Variants in LRFN2 observed in about 807,000 individuals in gnomAD.
LRFN2 encodes leucine-rich repeat and fibronectin type-III domain-containing protein 2.
A neutral mutation model predicts 37.3 loss-of-function variants in LRFN2; 18 were observed. That is an observed-to-expected ratio of 0.48 (90% CI 0.33 to 0.72). The LOEUF (loss-of-function observed/expected upper bound fraction) is 0.72, where lower values mean the gene tolerates loss of function less well. Ranked by LOEUF, LRFN2 falls within the 30% of genes least tolerant of loss-of-function variation. The pLI, the probability that LRFN2 is intolerant of heterozygous loss-of-function variation, is 0.02. For missense variants in LRFN2, 1,006 were observed against 1,060.7 expected, an observed-to-expected ratio of 0.95 and a Z score of 0.72; for synonymous variants, 556 against 466.6, an observed-to-expected ratio of 1.19 and a Z score of -2.47.
At position 40,510,602 on chromosome 6, in the gene LRFN2, G is replaced by A. The variant is rs150532823; in HGVS notation, c.-19+76339C>T. Reference sequence around the variant, plus strand: ...GTGCTGAGGCACAGTGAGGAGTGGGGTGATAAGAGCTGTGCCCCAGGGAGT... The same window carrying A: ...GTGCTGAGGCACAGTGAGGAGTGGGATGATAAGAGCTGTGCCCCAGGGAGT... On this transcript the variant is annotated intron_variant, in intron 1 of 2. Transcript: ENST00000338305. 3.0e-3 allele frequency among the ~76,000 whole-genome samples: 452 copies of A among 152,378 alleles called. 8 individuals are homozygous for A. Among genetic ancestry groups the A allele is most frequent in the African/African-American group, 9.9e-3 (413 of 41,590 alleles).
At chr6:40,408,363 C>G (rs1451924553) in intron 2 of LRFN2, among the ~76,000 whole-genome samples, 1 of 152,122 alleles carries the variant, frequency 6.6e-6, no homozygotes, top group Non-Finnish European at 1.5e-5. Context: ...GGCAGTCACC[C>G]TCGGCAGGGG....
At chr6:40,426,720 C>A (rs561460639) in intron 2 of LRFN2, among the ~76,000 whole-genome samples, 2 of 152,156 alleles carry the variant, frequency 1.3e-5, no homozygotes, top group Non-Finnish European at 2.9e-5. Context: ...GCCATGAGTT[C>A]TTTTCTAAGT....
At chr6:40,504,966 C>T (rs1765493802) in intron 1 of LRFN2, among the ~76,000 whole-genome samples, 1 of 152,216 alleles carries the variant, frequency 6.6e-6, no homozygotes, top group African/African-American at 2.4e-5. Context: ...ACCCCTCACT[C>T]TGTCAAAGCA....
At chr6:40,417,323 C>T (rs886304568) in intron 2 of LRFN2, among the ~76,000 whole-genome samples, 1 of 152,164 alleles carries the variant, frequency 6.6e-6, no homozygotes, top group African/African-American at 2.4e-5. Context: ...AGTGCCTCGG[C>T]AGCCTCCCGA....
chr6:40,402,926 A>G (rs1044050817), intron 2 of LRFN2, among the ~76,000 whole-genome samples: 2 of 152,176 alleles, frequency 1.3e-5, no homozygotes, highest in Non-Finnish European at 2.9e-5. Flanking sequence ...CCATGGGCAG[A>G]GTTTCCAGGC....
chr6:40,414,733 G>T (rs980793769), intron 2 of LRFN2, among the ~76,000 whole-genome samples: 3 of 152,230 alleles, frequency 2.0e-5, no homozygotes, highest in African/African-American at 7.2e-5. Flanking sequence ...TGAGTGAGAA[G>T]CTTGGCCCCC....
intron 1 of LRFN2, among the ~76,000 whole-genome samples, chr6:40,477,613 G>A (rs1764737544): frequency 1.3e-5 from 2 of 152,186 alleles, no homozygotes; most frequent in Non-Finnish European, 2.9e-5. Context: ...TGCTTTCCCA[G>A]CAGGCGCTGC....
chr6:40,451,828 C>A (rs1024704368), intron 1 of LRFN2, among the ~76,000 whole-genome samples: 2 of 152,148 alleles, frequency 1.3e-5, no homozygotes, highest in Non-Finnish European at 2.9e-5. Context: ...AAAACAAATG[C>A]CTTGTTTGGA....
At chr6:40,400,882 G>T (rs1442903609) in intron 2 of LRFN2, among the ~76,000 whole-genome samples, 1 of 151,674 alleles carries the variant, frequency 6.6e-6, no homozygotes, top group African/African-American at 2.4e-5. Context: ...TGAATGTGTG[G>T]GTATTTGTGA....
rs66745321 is a variant in LRFN2 at position 40,463,670 on chromosome 6, A to ATTTTTT, written c.-18-30545_-18-30540dup. 5.7e-4 allele frequency among the ~76,000 whole-genome samples: 44 copies of ATTTTTT among 76,528 alleles called. 1 individual carries two copies. The highest frequency in any genetic ancestry group is 5.5e-3 in the South Asian group (10 of 1,818). The allele number at this position is 76,528 out of a possible 152,430, so 50.2% of individuals were successfully genotyped here. On this transcript the variant is annotated intron_variant, in intron 1 of 2. Coordinates refer to ENST00000338305, the MANE Select transcript of LRFN2 (RefSeq NM_020737.3). Reference sequence around the variant, plus strand: ...TACATCATACTATTTCTTTCTTTCTATTTTTTTTTTTTTTTTTTTTTTTTG... The same window carrying ATTTTTT: ...TACATCATACTATTTCTTTCTTTCTATTTTTTTTTTTTTTTTTTTTTTTTTTTTTTG...
chr6:40,435,936 C>T (rs1302750252), intron 1 of LRFN2, among the ~76,000 whole-genome samples: 1 of 152,030 alleles, frequency 6.6e-6, no homozygotes, highest in Non-Finnish European at 1.5e-5. Context: ...CTTCAAGGGC[C>T]AGAGGCTTGC....
At position 40,403,482 on chromosome 6, in the gene LRFN2, A is replaced by G. The variant is rs185330243; in HGVS notation, c.1401-10570T>C. On this transcript the variant is annotated intron_variant, in intron 2 of 2. Coordinates refer to ENST00000338305, the MANE Select transcript of LRFN2 (RefSeq NM_020737.3). ...TTCTTCTGCCCTTGTGGCTCCTGAGAATATGGAGCTTCCACAAATGCCCTG... is the reference window on the plus strand; with the variant it reads ...TTCTTCTGCCCTTGTGGCTCCTGAGGATATGGAGCTTCCACAAATGCCCTG... Among the ~76,000 whole-genome samples the G allele has an allele frequency of 1.5e-3, 226 of 152,260 alleles. 3 individuals are homozygous for G. The highest frequency in any genetic ancestry group is 2.0e-3 in the Non-Finnish European group (133 of 68,022).
chr6:40,484,664 G>A lies in LRFN2; in HGVS notation c.-18-51533C>T, dbSNP rs191306780. On this transcript the variant is annotated intron_variant, in intron 1 of 2. Transcript: ENST00000338305. Reference sequence around the variant, plus strand: ...CCTGGGATCTATTCCTCAGGAACTAGATATCAGACCATTGTTCTCAGCTGC... The same window carrying A: ...CCTGGGATCTATTCCTCAGGAACTAAATATCAGACCATTGTTCTCAGCTGC... Among the ~76,000 whole-genome samples, 256 of 152,312 alleles carry A rather than the reference G, an allele frequency of 1.7e-3. 1 individual carries two copies. Among genetic ancestry groups the A allele is most frequent in the African/African-American group, 5.8e-3 (242 of 41,568 alleles).
At chr6:40,483,732 T>G (rs2113865275) in intron 1 of LRFN2, among the ~76,000 whole-genome samples, 1 of 152,266 alleles carries the variant, frequency 6.6e-6, no homozygotes, top group African/African-American at 2.4e-5. Context: ...GAAGGAAGAT[T>G]ACCTGGCAGC....
chr6:40,448,134 G>A (rs945824361), intron 1 of LRFN2, among the ~76,000 whole-genome samples: 5 of 152,106 alleles, frequency 3.3e-5, no homozygotes, highest in Non-Finnish European at 5.9e-5. Flanking sequence ...CTTCACACCC[G>A]TGAATCCTTC....
At chr6:40,586,722 C>T (rs1052315640) in intron 1 of LRFN2, among the ~76,000 whole-genome samples, 2 of 152,162 alleles carry the variant, frequency 1.3e-5, no homozygotes, top group Admixed American at 6.5e-5. Flanking sequence ...TTCACCCCCA[C>T]TGTAGGAAAT....
intron 1 of LRFN2, among the ~76,000 whole-genome samples, chr6:40,559,391 G>T (rs1197759040): frequency 6.6e-6 from 1 of 152,158 alleles, no homozygotes; most frequent in Non-Finnish European, 1.5e-5. Context: ...TATAAATTCT[G>T]CCTAGAGTGG....
intron 1 of LRFN2, among the ~76,000 whole-genome samples, chr6:40,586,015 G>A (rs1353473164): frequency 6.6e-6 from 1 of 152,072 alleles, no homozygotes; most frequent in African/African-American, 2.4e-5. Flanking sequence ...GGTGCATTTG[G>A]CAACAGTCTG....
At chr6:40,552,809 A>G (rs1766801107) in intron 1 of LRFN2, among the ~76,000 whole-genome samples, 1 of 152,158 alleles carries the variant, frequency 6.6e-6, no homozygotes, top group Admixed American at 6.5e-5. Flanking sequence ...ATTCCTGCCA[A>G]TCTTTGTCCA....
Sources: allele counts gnomAD v4.1 joint callset (sites outside exome capture counted in the v4.1 genomes callset), GRCh38; gene constraint gnomAD v4.1.1; transcripts MANE v1.5; gene names NCBI Gene and HGNC (gene_info 2026-07-23, HGNC 2026-07-21).